Variants in ADGRL2 observed in about 807,000 individuals in gnomAD.
The protein encoded by ADGRL2 is calcium-independent alpha-latrotoxin receptor 2.
In ADGRL2, 44 loss-of-function variants were observed where a neutral mutation model predicts 157.4. The observed-to-expected ratio is 0.28, with a 90% CI of 0.22 to 0.36. ADGRL2 has a LOEUF of 0.36. Among genes scored for constraint, ADGRL2 ranks in the 10% least tolerant of loss-of-function variants. The pLI is 1.00. For synonymous variants in ADGRL2, 585 were observed against 624.7 expected, an observed-to-expected ratio of 0.94 and a Z score of 0.95; for missense variants, 1,510 against 1,768.9, an observed-to-expected ratio of 0.85 and a Z score of 2.63.
chr1:81,383,585 C>A (rs1359474490), intron 1 of ADGRL2, among the ~76,000 whole-genome samples: 1 of 150,534 alleles, frequency 6.6e-6, no homozygotes, highest in African/African-American at 2.4e-5. Flanking sequence ...ATACACTCTG[C>A]AAAATTTTAA....
intron 3 of ADGRL2, among the ~76,000 whole-genome samples, chr1:81,589,741 A>C (rs4650568): frequency 0.52 from 78,784 of 151,976 alleles, 20,732 homozygotes; most frequent in East Asian, 0.67. Flanking sequence ...AGGATGTGGT[A>C]ACTGGTTTTG....
intron 1 of ADGRL2, among the ~76,000 whole-genome samples, chr1:81,316,622 A>C (rs1341753939): frequency 6.6e-6 from 1 of 152,190 alleles, no homozygotes; most frequent in African/African-American, 2.4e-5. Context: ...GGTATACGCA[A>C]GGTTGATTCA....
intron 1 of ADGRL2, among the ~76,000 whole-genome samples, chr1:81,803,520 C>T (rs1284557826): frequency 1.3e-5 from 2 of 152,040 alleles, no homozygotes; most frequent in African/African-American, 2.4e-5. Flanking sequence ...TAGCCTTTCT[C>T]TTTTTAGGGA....
At chr1:81,315,835 A>G (rs1660070115) in intron 1 of ADGRL2, among the ~76,000 whole-genome samples, 1 of 152,144 alleles carries the variant, frequency 6.6e-6, no homozygotes, top group African/African-American at 2.4e-5. Flanking sequence ...AATAAATGGA[A>G]AGCAATTGAA....
intron 1 of ADGRL2, among the ~76,000 whole-genome samples, chr1:81,418,537 G>A (rs1168668167): frequency 6.6e-6 from 1 of 152,090 alleles, no homozygotes; most frequent in Non-Finnish European, 1.5e-5. Flanking sequence ...AGATCACGAG[G>A]TCAGGAAATC....
At chr1:81,805,106 ACT>A (rs1459480053) in intron 1 of ADGRL2, among the ~76,000 whole-genome samples, 2 of 151,616 alleles carry the variant, frequency 1.3e-5, no homozygotes, top group Admixed American at 6.6e-5. Flanking sequence ...CAAACAGTAA[ACT>A]CTAGTATTCA....
At chr1:81,363,622 A>G (rs1044868985) in intron 1 of ADGRL2, among the ~76,000 whole-genome samples, 2 of 152,114 alleles carry the variant, frequency 1.3e-5, no homozygotes, top group African/African-American at 4.8e-5. Context: ...CAAATAAATG[A>G]CAAGTGTCCT....
chr1:81,859,406 C>CTTTT (rs34509135), intron 2 of ADGRL2, among the ~76,000 whole-genome samples: 6 of 124,920 alleles, frequency 4.8e-5, no homozygotes, highest in Non-Finnish European at 4.9e-5. Flanking sequence ...AGAATAAAAC[C>CTTTT]TTTTTTTTTT....
intron 2 of ADGRL2, among the ~76,000 whole-genome samples, chr1:81,774,814 T>C (rs924571132): frequency 3.3e-5 from 5 of 152,060 alleles, no homozygotes; most frequent in African/African-American, 4.8e-5. Flanking sequence ...ATATAACATA[T>C]ATATATGTTA....
rs1383297200 is a variant in ADGRL2 at position 81,846,229 on chromosome 1, A to G, written c.73+9172A>G. On this transcript the variant is annotated intron_variant, in intron 2 of 23. Transcript: ENST00000686636. ...CAAAAAAGAAAAAGAATAGAAGTAAACACTGTTTATATCTACATAGATTGA... is the reference window on the plus strand; with the variant it reads ...CAAAAAAGAAAAAGAATAGAAGTAAGCACTGTTTATATCTACATAGATTGA... Among the ~76,000 whole-genome samples the G allele has an allele frequency of 2.0e-5, 3 of 151,868 alleles. No homozygotes were observed. In the East Asian group the frequency reaches 5.8e-4, roughly 29 times the overall value.
intron 2 of ADGRL2, among the ~76,000 whole-genome samples, chr1:81,871,653 T>G (rs922318420): frequency 2.0e-5 from 3 of 152,140 alleles, no homozygotes; most frequent in Non-Finnish European, 4.4e-5. Flanking sequence ...GATATCTCAT[T>G]GTGGTTTTGA....
intron 1 of ADGRL2, among the ~76,000 whole-genome samples, chr1:81,759,534 C>T (rs11163357): frequency 0.31 from 47,841 of 151,944 alleles, 8,710 homozygotes; most frequent in East Asian, 0.77. Flanking sequence ...AATCAGAATT[C>T]AGGACAGTTT....
intron 3 of ADGRL2, among the ~76,000 whole-genome samples, chr1:81,645,581 C>T (rs1159663800): frequency 3.3e-5 from 5 of 151,910 alleles, no homozygotes; most frequent in South Asian, 2.1e-4. Context: ...CATATATGAA[C>T]ATATATAAGT....
intron 3 of ADGRL2, among the ~76,000 whole-genome samples, chr1:81,643,481 T>G (rs2082259146): frequency 6.6e-6 from 1 of 152,080 alleles, no homozygotes; most frequent in Admixed American, 6.6e-5. Flanking sequence ...CCTAGCTAAT[T>G]TTTATTTTTT....
At chr1:81,884,286 C>G (rs1240182950) in intron 2 of ADGRL2, among the ~76,000 whole-genome samples, 1 of 152,174 alleles carries the variant, frequency 6.6e-6, no homozygotes, top group Non-Finnish European at 1.5e-5. Flanking sequence ...AAACTGCCTT[C>G]CTTTTTGCCC....
chr1:81,868,973 A>G (rs570734054), intron 2 of ADGRL2, among the ~76,000 whole-genome samples: 11 of 152,242 alleles, frequency 7.2e-5, no homozygotes, highest in African/African-American at 2.2e-4. Context: ...ATTTGAAAGG[A>G]TGTTGTGAGA....
intron 3 of ADGRL2, among the ~76,000 whole-genome samples, chr1:81,645,823 A>G (rs748223055): frequency 3.9e-5 from 6 of 152,042 alleles, no homozygotes; most frequent in Admixed American, 6.6e-5. Flanking sequence ...TGCATTGCAC[A>G]TCTTAGCGTG....
In ADGRL2 at chr1:81,950,404, T is replaced by C; in HGVS notation, c.1426T>C (p.Leu476=). 6.2e-7 allele frequency: 1 copy of C among 1,613,988 alleles called. No individual in the cohort carries two copies. The highest frequency in any genetic ancestry group is 8.5e-7 in the Non-Finnish European group (1 of 1,179,910). The part of the protein sequence containing the change: ...FPLPERFCEA[L]DSKGIKWPQT... Reference sequence around the variant, plus strand: ...CCTGCCAGAGAGATTCTGTGAAGCATTAGACTCCAAGGGGATAAAGTGGCC... The same window carrying C: ...CCTGCCAGAGAGATTCTGTGAAGCACTAGACTCCAAGGGGATAAAGTGGCC... The change falls in exon 7 of 24, where the codon TTA becomes CTA. Residue 476 remains leucine, a synonymous_variant. Transcript: ENST00000686636.
chr1:81,388,630 G>A (rs1464939550), intron 1 of ADGRL2, among the ~76,000 whole-genome samples: 1 of 152,136 alleles, frequency 6.6e-6, no homozygotes, highest in East Asian at 1.9e-4. Context: ...CCAAAGGAGG[G>A]CATTTGCCCT....
Sources: gnomAD v4.1 joint callset for allele counts (sites outside exome capture counted in the v4.1 genomes callset) on GRCh38, gnomAD v4.1.1 for gene constraint, MANE v1.5 for transcripts, NCBI Gene and HGNC (gene_info 2026-07-23, HGNC 2026-07-21) for gene names.